KANSL1: variants seen among roughly 807,000 people sequenced by gnomAD.
KANSL1 encodes KAT8 regulatory NSL complex subunit 1, also known as MLL1/MLL complex subunit KANSL1.
KANSL1 carries 22 observed loss-of-function variants against 103.6 expected under a neutral mutation model. The observed-to-expected ratio is 0.21, with a 90% CI of 0.15 to 0.30. KANSL1 has a LOEUF of 0.30. Among genes scored for constraint, KANSL1 ranks in the 10% least tolerant of loss-of-function variants. KANSL1 has a pLI of 1.00. For missense variants in KANSL1, 1,337 were observed against 1,399.8 expected, an observed-to-expected ratio of 0.96 and a Z score of 0.72; for synonymous variants, 600 against 527.6, an observed-to-expected ratio of 1.14 and a Z score of -1.88.
At chr17:46,189,101 T>C (rs1266743992) in intron 1 of KANSL1, among the ~76,000 whole-genome samples, 3 of 134,586 alleles carry the variant, frequency 2.2e-5, no homozygotes, top group Non-Finnish European at 4.6e-5. Flanking sequence ...TTGCTCAACC[T>C]ACTCAGGAGG....
intron 3 of KANSL1, 39 bp downstream of exon 3, chr17:46,094,521 T>C (rs1335033224): frequency 1.3e-6 from 2 of 1,595,420 alleles, no homozygotes; most frequent in East Asian, 2.3e-5. Context: ...ATTGATAGTT[T>C]TCGGCAGCAT....
At chr17:46,204,180 G>T (rs1156879556) in intron 1 of KANSL1, among the ~76,000 whole-genome samples, 2 of 152,088 alleles carry the variant, frequency 1.3e-5, no homozygotes, top group Non-Finnish European at 2.9e-5. Flanking sequence ...AAAAAGGCCG[G>T]GTGTGGTGGC....
At chr17:46,074,235 C>G (rs140118059) in intron 4 of KANSL1, among the ~76,000 whole-genome samples, 2 of 152,116 alleles carry the variant, frequency 1.3e-5, no homozygotes, top group Non-Finnish European at 2.9e-5. Flanking sequence ...AGGAGCCAAT[C>G]TGAAAGAGCG....
intron 10 of KANSL1, 111 bp from the exon 11 acceptor site, chr17:46,034,396 T>A: frequency 3.2e-6 from 4 of 1,236,908 alleles, no homozygotes; most frequent in Non-Finnish European, 4.6e-6. Context: ...GGTCCTTGGG[T>A]TGAAGCTGAG....
intron 2 of KANSL1, among the ~76,000 whole-genome samples, chr17:46,095,778 T>C (rs1318399709): frequency 6.6e-6 from 1 of 152,128 alleles, no homozygotes; most frequent in African/African-American, 2.4e-5. Flanking sequence ...CTAACACATA[T>C]AACTGACGAT....
At position 46,171,040 on chromosome 17, in the gene KANSL1, G is replaced by A. The variant is rs746438012; in HGVS notation, c.1104C>T (p.Ser368=). The A allele has an allele frequency of 6.2e-6, 10 of 1,614,172 alleles. No homozygotes were observed. The highest frequency in any genetic ancestry group is 8.5e-6 in the Non-Finnish European group (10 of 1,180,058). ...ASETTTSEGL[S]NFLKSNSISE... ...AAATTGAATTGCTTTTCAGAAAGTT[G>A]CTAAGTCCCTCTGAAGTGGTGGTCT... The change falls in exon 2 of 15, where the codon AGC becomes AGT. Residue 368 remains serine, a synonymous_variant. Coordinates refer to ENST00000432791, the MANE Select transcript of KANSL1 (RefSeq NM_015443.4).
chr17:46,179,794 C>G (rs916873224), intron 1 of KANSL1, among the ~76,000 whole-genome samples: 1 of 152,212 alleles, frequency 6.6e-6, no homozygotes, highest in Non-Finnish European at 1.5e-5. Flanking sequence ...TTGGGCCGGG[C>G]GCAGTGACTC....
rs1465790147 is a variant in KANSL1, at chr17:46,185,690, TATACACAC to T, written c.-90+7125_-90+7132del. ...ATACACATATATATACACACACATA[TATACACAC>T]ACACACACACACACACACACACACA... On this transcript the variant is annotated intron_variant, in intron 1 of 14. Coordinates refer to ENST00000432791, the MANE Select transcript of KANSL1 (RefSeq NM_015443.4). Among the ~76,000 whole-genome samples, 56 of 66,028 alleles carry T rather than the reference TATACACAC, an allele frequency of 8.5e-4. 1 individual carries two copies. Among genetic ancestry groups the T allele is most frequent in the African/African-American group, 2.6e-3 (56 of 21,952 alleles). 43.3% of individuals were successfully genotyped at this position (66,028 alleles called of 152,430 possible). A position where few individuals can be genotyped will look rare whatever the true frequency, so the allele number is the denominator to read the frequency against.
chr17:46,190,603 T>C (rs576670823), intron 1 of KANSL1, among the ~76,000 whole-genome samples: 3 of 152,362 alleles, frequency 2.0e-5, no homozygotes, highest in South Asian at 2.1e-4. Flanking sequence ...CACTGGTATA[T>C]ACTCAAATGA....
upstream of KANSL1, chr17:46,196,452 A>G (rs2147959158): frequency 2.2e-6 from 1 of 456,184 alleles, no homozygotes; most frequent in East Asian, 6.9e-5. Context: ...CCTAAAAATG[A>G]TGGAGGAAAA....
At chr17:46,050,439 ATC>A (rs551754770) in intron 7 of KANSL1, 92 bp downstream of exon 7, 2 of 1,271,888 alleles carry the variant, frequency 1.6e-6, no homozygotes, top group Non-Finnish European at 2.2e-6. Flanking sequence ...CCTTGAAAGT[ATC>A]TGAGTTGTAA....
intron 2 of KANSL1, among the ~76,000 whole-genome samples, chr17:46,147,004 A>G (rs1339256130): frequency 6.6e-6 from 1 of 152,150 alleles, no homozygotes; most frequent in Non-Finnish European, 1.5e-5. Flanking sequence ...GCCCAGCCTG[A>G]GCAACACAGT....
intron 4 of KANSL1, among the ~76,000 whole-genome samples, chr17:46,074,180 T>G (rs9907738): frequency 0.23 from 34,540 of 152,032 alleles, 4,475 homozygotes; most frequent in African/African-American, 0.32. Flanking sequence ...ACATCTAGTA[T>G]TAGAAAGTAT....
At chr17:46,147,614 A>C (rs62063234) in intron 2 of KANSL1, among the ~76,000 whole-genome samples, 17,682 of 149,874 alleles carry the variant, frequency 0.12, no homozygotes, top group Non-Finnish European at 0.18. Context: ...AGAGAGAAAG[A>C]GGCAGAGAGA....
chr17:46,068,208 T>G (rs1264671347), intron 4 of KANSL1, among the ~76,000 whole-genome samples: 1 of 152,194 alleles, frequency 6.6e-6, no homozygotes, highest in African/African-American at 2.4e-5. Flanking sequence ...GTAGTTAATA[T>G]CTGCTTAACT....
intron 7 of KANSL1, chr17:46,041,878 T>TGTGTGTGTGTGTGTG (rs1555734994): frequency 8.2e-6 from 1 of 122,648 alleles, no homozygotes; most frequent in African/African-American, 2.8e-5. Flanking sequence ...GAAATTTATT[T>TGTGTGTGTGTGTGTG]TGTGTGTGTG....
intron 2 of KANSL1, among the ~76,000 whole-genome samples, chr17:46,158,333 T>C (rs185543900): frequency 4.6e-5 from 7 of 152,130 alleles, no homozygotes; most frequent in African/African-American, 1.7e-4. Flanking sequence ...GTTGGGGGAA[T>C]TGGGATAAAT....
At chr17:46,175,901 T>C (rs1274784583) in intron 1 of KANSL1, among the ~76,000 whole-genome samples, 3 of 152,238 alleles carry the variant, frequency 2.0e-5, no homozygotes, top group East Asian at 1.9e-4. Flanking sequence ...TTATTAAACA[T>C]TGTGTTATAG....
At chr17:46,118,811 CA>C (rs2043154950) in intron 2 of KANSL1, among the ~76,000 whole-genome samples, 1 of 152,172 alleles carries the variant, frequency 6.6e-6, no homozygotes, top group Non-Finnish European at 1.5e-5. Context: ...TTCCCTCTAT[CA>C]GAGGTGGAAA....
Sources: gnomAD v4.1 joint callset for allele counts (sites outside exome capture counted in the v4.1 genomes callset) on GRCh38, gnomAD v4.1.1 for gene constraint, MANE v1.5 for transcripts, NCBI Gene and HGNC (gene_info 2026-07-23, HGNC 2026-07-21) for gene names.